The following C4orf51 variants were observed in gnomAD, a reference collection of about 807,000 sequenced individuals.
C4orf51 encodes the protein chromosome 4 open reading frame 51, also known as uncharacterized protein C4orf51.
C4orf51 carries 25 observed loss-of-function variants against 25.2 expected under a neutral mutation model. That is an observed-to-expected ratio of 0.99 (90% confidence interval 0.72 to 1.39). The LOEUF (loss-of-function observed/expected upper bound fraction) is 1.39, where lower values mean the gene tolerates loss of function less well. Among genes scored for constraint, C4orf51 ranks in the 40% most tolerant of loss-of-function variants. The pLI is 0.00. For missense variants in C4orf51, 252 were observed against 239.6 expected, an observed-to-expected ratio of 1.05 and a Z score of -0.34; for synonymous variants, 100 against 84.5, an observed-to-expected ratio of 1.18 and a Z score of -1.01.
chr4:145,781,463 T>C, the C4orf51 span, among the ~76,000 whole-genome samples: 3 of 152,246 alleles, frequency 2.0e-5, no homozygotes, highest in East Asian at 3.9e-4. Context: ...ATTGCAATAA[T>C]GTTCGCTGTG....
intron 1 of C4orf51, among the ~76,000 whole-genome samples, chr4:145,750,613 G>C (rs944891471): frequency 6.6e-6 from 1 of 151,874 alleles, no homozygotes. Flanking sequence ...AATGCGTTGA[G>C]GTAGTCTTCT....
At chr4:145,739,328 C>T (rs746245247) in intron 1 of C4orf51, among the ~76,000 whole-genome samples, 6 of 152,286 alleles carry the variant, frequency 3.9e-5, no homozygotes, top group East Asian at 3.9e-4. Context: ...ATCCAGAATG[C>T]GAAGCTCTGC....
intron 2 of C4orf51, among the ~76,000 whole-genome samples, chr4:145,720,231 G>C (rs922441675): frequency 7.9e-5 from 12 of 152,108 alleles, no homozygotes; most frequent in African/African-American, 2.9e-4. Context: ...ACCTCCCCCA[G>C]CTTTCCTGGG....
chr4:145,693,398 G>A (rs966085431), intron 1 of C4orf51, among the ~76,000 whole-genome samples: 3 of 151,914 alleles, frequency 2.0e-5, no homozygotes, highest in Non-Finnish European at 4.4e-5. Flanking sequence ...TTTTCTTAGT[G>A]TAGAACAAAA....
rs754173514 is a variant in C4orf51 at position 145,732,438 on chromosome 4, G to A, written c.502-15G>A. 3 of 1,576,100 alleles carry A rather than the reference G, an allele frequency of 1.9e-6. No homozygotes were observed. Among genetic ancestry groups the A allele is most frequent in the Non-Finnish European group, 2.6e-6 (3 of 1,149,846 alleles). On this transcript the variant is annotated splice_polypyrimidine_tract_variant and intron_variant, in intron 5 of 5. Coordinates refer to ENST00000438731, the MANE Select transcript of C4orf51 (RefSeq NM_001080531.3). Reference sequence around the variant, plus strand: ...CGGATGAGCGAGTGTTGACAACCAGGCCATTTTTCTCCAGCTTCATGGACG... The same window carrying A: ...CGGATGAGCGAGTGTTGACAACCAGACCATTTTTCTCCAGCTTCATGGACG...
intron 1 of C4orf51, among the ~76,000 whole-genome samples, chr4:145,743,799 A>C (rs761051965): frequency 7.9e-5 from 12 of 152,140 alleles, no homozygotes; most frequent in Non-Finnish European, 1.8e-4. Flanking sequence ...AGAATCCACC[A>C]AGCAATTTCT....
downstream of C4orf51, among the ~76,000 whole-genome samples, chr4:145,735,093 A>C (rs116314842): frequency 0.023 from 3,468 of 152,316 alleles, 65 homozygotes; most frequent in Non-Finnish European, 0.037. Context: ...GCAACGTGAC[A>C]TGAAAATTAG....
At chr4:145,764,339 G>A (rs1174263973) in intron 1 of C4orf51, among the ~76,000 whole-genome samples, 4 of 152,102 alleles carry the variant, frequency 2.6e-5, no homozygotes, top group Non-Finnish European at 5.9e-5. Flanking sequence ...TGTGCCTGTT[G>A]GCACCTGTTA....
At chr4:145,720,555 A>G (rs542911887) in intron 2 of C4orf51, among the ~76,000 whole-genome samples, 202 of 152,124 alleles carry the variant, frequency 1.3e-3, no homozygotes, top group Admixed American at 3.5e-3. Context: ...ACCCCACCAC[A>G]TATTCCCCGG....
At chr4:145,729,859 A>G in intron 4 of C4orf51, 33 bp from the exon 5 acceptor site, 1 of 1,581,716 alleles carries the variant, frequency 6.3e-7, no homozygotes, top group Non-Finnish European at 8.7e-7. Flanking sequence ...CTTTATCGCA[A>G]ACACTCACAC....
At chr4:145,735,042 G>A (rs1440585852), downstream of C4orf51, among the ~76,000 whole-genome samples, 2 of 152,244 alleles carry the variant, frequency 1.3e-5, no homozygotes, top group Admixed American at 1.3e-4. Context: ...GCACTTGGGC[G>A]AGGGCTTTGG....
At chr4:145,704,929 A>G (rs1014175765) in intron 2 of C4orf51, among the ~76,000 whole-genome samples, 1 of 152,206 alleles carries the variant, frequency 6.6e-6, no homozygotes, top group Non-Finnish European at 1.5e-5. Context: ...GGAAGAGGCT[A>G]AAGCAGGCAA....
intron 1 of C4orf51, among the ~76,000 whole-genome samples, chr4:145,690,972 A>T (rs1350596961): frequency 6.6e-6 from 1 of 151,890 alleles, no homozygotes; most frequent in Non-Finnish European, 1.5e-5. Flanking sequence ...AATTAGCCAG[A>T]TGTGGGGGCA....
chr4:145,782,548 C>T, the C4orf51 span, among the ~76,000 whole-genome samples: 1 of 152,194 alleles, frequency 6.6e-6, no homozygotes, highest in African/African-American at 2.4e-5. Context: ...GACCTCACTG[C>T]CTTAATTGTG....
At chr4:145,697,475 C>A (rs1235185523) in intron 2 of C4orf51, among the ~76,000 whole-genome samples, 2 of 152,230 alleles carry the variant, frequency 1.3e-5, no homozygotes, top group South Asian at 2.1e-4. Context: ...ACATATTCAT[C>A]TTATAACTGA....
At chr4:145,694,216 G>A (rs1336918137) in intron 1 of C4orf51, among the ~76,000 whole-genome samples, 1 of 143,994 alleles carries the variant, frequency 6.9e-6, no homozygotes, top group Non-Finnish European at 1.5e-5. Context: ...GATGGCGGCT[G>A]GGAAGAGGCG....
the C4orf51 span, among the ~76,000 whole-genome samples, chr4:145,784,781 A>G: frequency 6.6e-6 from 1 of 152,034 alleles, no homozygotes; most frequent in South Asian, 2.1e-4. Context: ...TTGTTTCATT[A>G]TTTTACATAG....
In C4orf51 at chr4:145,761,693, C is replaced by A; in HGVS notation, n.167-9295C>A. The A allele has an allele frequency of 1.3e-6, 1 of 787,750 alleles. No individual in the cohort carries two copies. 48.8% of individuals were successfully genotyped at this position (787,750 alleles called of 1,614,324 possible). The stretch of plus-strand genomic sequence containing the variant: ...TCACCAGCCTTCCCTCACACCACCC[C>A]CCAGTGTCTGAGGCCTGGCCTGCCC... On this transcript the variant is annotated intron_variant and non_coding_transcript_variant, in intron 1 of 1. Transcript: ENST00000510096. The surrounding 1 kb of genome is among the most constrained non-coding windows in gnomAD (Gnocchi z 6.8).
chr4:145,703,301 C>T (rs1265661596), intron 2 of C4orf51, among the ~76,000 whole-genome samples: 9 of 151,840 alleles, frequency 5.9e-5, no homozygotes, highest in South Asian at 2.1e-4. Context: ...GAGCACCTTG[C>T]GACCCCCACT....
Sources: gnomAD v4.1 joint callset for allele counts (sites outside exome capture counted in the v4.1 genomes callset) on GRCh38, gnomAD v4.1.1 for gene constraint, Gnocchi (gnomAD v3.1) non-coding constraint, MANE v1.5 for transcripts, NCBI Gene and HGNC (gene_info 2026-07-23, HGNC 2026-07-21) for gene names.